The following KIF26B variants were observed in gnomAD, a reference collection of about 807,000 sequenced individuals.
KIF26B encodes kinesin family member 26B.
A neutral mutation model predicts 151.2 loss-of-function variants in KIF26B; 63 were observed. The ratio of observed to expected loss-of-function variants is 0.42; its 90% CI spans 0.34 to 0.51. KIF26B has a LOEUF of 0.51. KIF26B is among the 20% of genes least tolerant of loss of function. KIF26B has a pLI of 0.07. For synonymous variants in KIF26B, 1,357 were observed against 1,262.1 expected (o/e 1.08, Z -1.59); for missense variants, 2,813 against 2,913.6 (o/e 0.97, Z 0.79).
chr1:245,618,891 T>C (rs1254615936), intron 9 of KIF26B, among the ~76,000 whole-genome samples: 3 of 146,684 alleles, frequency 2.0e-5, no homozygotes, highest in African/African-American at 7.7e-5. Context: ...CTGTGTCTGC[T>C]GCGTGCTGTT....
intron 4 of KIF26B, among the ~76,000 whole-genome samples, chr1:245,479,308 A>G (rs1660111434): frequency 6.6e-6 from 1 of 151,918 alleles, no homozygotes; most frequent in African/African-American, 2.4e-5. Flanking sequence ...ATCACTAAAA[A>G]CAGACATCGC....
chr1:245,625,692 C>T (rs1372748504), intron 9 of KIF26B, among the ~76,000 whole-genome samples: 1 of 152,168 alleles, frequency 6.6e-6, no homozygotes, highest in Non-Finnish European at 1.5e-5. Flanking sequence ...TAGCCTCCTA[C>T]TGTGCTATCA....
Position 245,304,398 on chromosome 1 carries a change from G to A in KIF26B, c.466-62436G>A, listed in dbSNP as rs13375428. ...AATTGCCTTGCGATTGGGGAATCAGGAGGATGTTTTTATTCAGGAAGGCAT... is the reference window on the plus strand; with the variant it reads ...AATTGCCTTGCGATTGGGGAATCAGAAGGATGTTTTTATTCAGGAAGGCAT... On this transcript the variant is annotated intron_variant, in intron 2 of 14. Coordinates refer to ENST00000407071, the MANE Select transcript of KIF26B (RefSeq NM_018012.4). Among the ~76,000 whole-genome samples, 467 of 152,314 alleles carry A rather than the reference G, an allele frequency of 3.1e-3. 2 individuals carry two copies. The highest frequency in any genetic ancestry group is 0.01 in the African/African-American group (429 of 41,568).
At chr1:245,657,748 T>C (rs1362111643) in intron 10 of KIF26B, among the ~76,000 whole-genome samples, 2 of 152,124 alleles carry the variant, frequency 1.3e-5, no homozygotes, top group Non-Finnish European at 2.9e-5. Context: ...ATTCAATCAA[T>C]AGTTACCAAG....
chr1:245,319,838 T>C (rs1237791355), intron 2 of KIF26B, among the ~76,000 whole-genome samples: 1 of 152,140 alleles, frequency 6.6e-6, no homozygotes, highest in Admixed American at 6.5e-5. Context: ...ACTATGTGAG[T>C]GGAAGCATTT....
chr1:245,238,690 A>G (rs1670158179), intron 2 of KIF26B, among the ~76,000 whole-genome samples: 1 of 151,990 alleles, frequency 6.6e-6, no homozygotes, highest in Admixed American at 6.6e-5. Context: ...GCAAAACCCC[A>G]TCTCTACTAA....
At chr1:245,229,978 G>C (rs1669958055) in intron 2 of KIF26B, among the ~76,000 whole-genome samples, 1 of 151,884 alleles carries the variant, frequency 6.6e-6, no homozygotes, top group South Asian at 2.1e-4. Context: ...ACAAAAAATA[G>C]AAAAATTAGC....
At chr1:245,245,699 G>T (rs138385627) in intron 2 of KIF26B, among the ~76,000 whole-genome samples, 1 of 152,008 alleles carries the variant, frequency 6.6e-6, no homozygotes, top group Non-Finnish European at 1.5e-5. Context: ...TTGGGAGGCC[G>T]AGGCGGGTGG....
At chr1:245,276,699 T>C (rs911199911) in intron 2 of KIF26B, among the ~76,000 whole-genome samples, 1 of 152,150 alleles carries the variant, frequency 6.6e-6, no homozygotes, top group Non-Finnish European at 1.5e-5. Flanking sequence ...GCCATGAATT[T>C]CCCTGCCAGC....
intron 2 of KIF26B, among the ~76,000 whole-genome samples, chr1:245,345,147 C>A (rs1672421677): frequency 6.6e-6 from 1 of 152,130 alleles, no homozygotes; most frequent in Non-Finnish European, 1.5e-5. Context: ...ATGTTTGGGC[C>A]ATAGGCGCAA....
chr1:245,565,004 A>G lies in KIF26B; in HGVS notation c.1350+24054A>G, dbSNP rs556826675. ...AGCACTGGTCCGTGGCCTGGGGGTTAGGGAGCCCTGCTCTGTTACAGAGAA... is the reference window on the plus strand; with the variant it reads ...AGCACTGGTCCGTGGCCTGGGGGTTGGGGAGCCCTGCTCTGTTACAGAGAA... On this transcript the variant is annotated intron_variant, in intron 5 of 14. Transcript: ENST00000407071. Among the ~76,000 whole-genome samples the G allele has an allele frequency of 4.6e-5, 7 of 152,272 alleles. No individual in the cohort carries two copies. In the East Asian group the frequency reaches 1.4e-3, roughly 29 times the overall value.
chr1:245,511,763 TACC>T (rs1449027537), intron 4 of KIF26B, among the ~76,000 whole-genome samples: 6 of 152,264 alleles, frequency 3.9e-5, no homozygotes, highest in Non-Finnish European at 8.8e-5. Context: ...TGCTAGTTTA[TACC>T]AGTCAGAGAC....
At chr1:245,390,224 AT>A (rs1346151669) in intron 3 of KIF26B, among the ~76,000 whole-genome samples, 1 of 128,666 alleles carries the variant, frequency 7.8e-6, no homozygotes, top group Non-Finnish European at 1.7e-5. Flanking sequence ...ATTTTATTTT[AT>A]TTTTTATTTT....
Position 245,375,962 on chromosome 1 carries a change from C to T in KIF26B, c.999+8595C>T, listed in dbSNP as rs1673263411. Reference sequence around the variant, plus strand: ...CTGGTTTGCGATTGTCTCAGATTTCCCTATTGTTATAGAATCATAATAAGT... The same window carrying T: ...CTGGTTTGCGATTGTCTCAGATTTCTCTATTGTTATAGAATCATAATAAGT... On this transcript the variant is annotated intron_variant, in intron 3 of 14. Transcript: ENST00000407071. The surrounding 1 kb of genome is among the most constrained non-coding windows in gnomAD (Gnocchi z 4.2). 6.6e-6 allele frequency among the ~76,000 whole-genome samples: 1 copy of T among 152,152 alleles called. No homozygotes were observed. Among genetic ancestry groups the T allele is most frequent in the Admixed American group, 6.5e-5 (1 of 15,276 alleles).
intron 9 of KIF26B, among the ~76,000 whole-genome samples, chr1:245,624,214 T>C (rs2043697352): frequency 6.6e-6 from 1 of 151,942 alleles, no homozygotes; most frequent in African/African-American, 2.4e-5. Context: ...TATATGGACA[T>C]ATATTTTCTT....
At chr1:245,615,385 C>T (rs1558237546) in intron 9 of KIF26B, among the ~76,000 whole-genome samples, 1 of 152,060 alleles carries the variant, frequency 6.6e-6, no homozygotes, top group Non-Finnish European at 1.5e-5. Flanking sequence ...TTTTGCAGTT[C>T]TGCTTTCGAT....
At chr1:245,570,901 T>C (rs760045392) in intron 5 of KIF26B, among the ~76,000 whole-genome samples, 4 of 152,240 alleles carry the variant, frequency 2.6e-5, no homozygotes, top group Non-Finnish European at 1.5e-5. Context: ...TAGAGCCACA[T>C]ATTCTTTCTT....
chr1:245,245,660 C>T (rs535409527), intron 2 of KIF26B, among the ~76,000 whole-genome samples: 8 of 152,126 alleles, frequency 5.3e-5, no homozygotes, highest in East Asian at 1.9e-4. Context: ...TTGCTGGGTG[C>T]GGTGGCTCAT....
Position 245,687,570 on chromosome 1 carries a change from CA to C in KIF26B, c.4591del (p.Ser1531AlafsTer97). ...LATQSPVHPN[K>X]SVKSSSLPRA... ...CCACCCAGAGCCCCGTGCATCCCAACAAAAGCGTCAAGTCCAGCAGCCTTCC... is the reference window on the plus strand; with the variant it reads ...CCACCCAGAGCCCCGTGCATCCCAACAAAGCGTCAAGTCCAGCAGCCTTCC... On this transcript the variant is annotated frameshift_variant, in exon 12 of 15. Coordinates refer to ENST00000407071, the MANE Select transcript of KIF26B (RefSeq NM_018012.4). LOFTEE classifies it high-confidence loss of function. The surrounding 1 kb of genome is among the most constrained non-coding windows in gnomAD (Gnocchi z 4.9). The C allele has an allele frequency of 6.4e-7, 1 of 1,564,946 alleles. No homozygotes were observed. The highest frequency in any genetic ancestry group is 8.7e-7 in the Non-Finnish European group (1 of 1,155,234).
Sources: gnomAD v4.1 joint callset for allele counts (sites outside exome capture counted in the v4.1 genomes callset) on GRCh38, gnomAD v4.1.1 for gene constraint, Gnocchi (gnomAD v3.1) non-coding constraint, MANE v1.5 for transcripts, NCBI Gene and HGNC (gene_info 2026-07-23, HGNC 2026-07-21) for gene names.